The following MTCL1 variants were observed in gnomAD, a reference collection of about 807,000 sequenced individuals.
MTCL1 encodes microtubule cross-linking factor 1.
MTCL1 carries 79 observed loss-of-function variants against 141.4 expected under a neutral mutation model. That is an observed-to-expected ratio of 0.56 (90% CI 0.47 to 0.67). The LOEUF (loss-of-function observed/expected upper bound fraction) is 0.67, where lower values mean the gene tolerates loss of function less well. Ranked by LOEUF, MTCL1 falls within the 30% of genes least tolerant of loss-of-function variation. The probability of loss-of-function intolerance (pLI) is 0.00; values close to 1 mark genes in which losing one functional copy is unlikely to be tolerated. For missense variants in MTCL1, 2,177 were observed against 2,113.9 expected, an observed-to-expected ratio of 1.03 and a Z score of -0.59; for synonymous variants, 914 against 875.8, an observed-to-expected ratio of 1.04 and a Z score of -0.77.
chr18:8,758,332 C>T (rs1486943813), intron 4 of MTCL1, among the ~76,000 whole-genome samples: 1 of 152,146 alleles, frequency 6.6e-6, no homozygotes, highest in Non-Finnish European at 1.5e-5. Context: ...CACACCCACT[C>T]TTCTAATCCC....
In MTCL1 at chr18:8,725,781, TTTTTTTTTC is replaced by T. The variant is rs1208360149; in HGVS notation, c.357+5294_357+5302del. On this transcript the variant is annotated intron_variant, in intron 4 of 16. Coordinates refer to ENST00000359865, the Ensembl canonical transcript of MTCL1. ...ATGTATTTTGGTGCCATTTTCTTTT[TTTTTTTTTC>T]TTTTTTTTTTTTTTTTTGAGATGGA... 2.7e-3 allele frequency among the ~76,000 whole-genome samples: 107 copies of T among 38,990 alleles called. 4 individuals are homozygous for T. The highest frequency in any genetic ancestry group is 0.015 in the African/African-American group (101 of 6,582). The allele number at this position is 38,990 out of a possible 152,430, so 25.6% of individuals were successfully genotyped here.
chr18:8,750,196 GCCACCAC>G (rs1410490329), intron 4 of MTCL1, among the ~76,000 whole-genome samples: 1 of 151,878 alleles, frequency 6.6e-6, no homozygotes, highest in Non-Finnish European at 1.5e-5. Context: ...ACAGGCTCAT[GCCACCAC>G]ACTGGCTAAT....
At chr18:8,778,371 T>C (rs1018701740) in intron 5 of MTCL1, among the ~76,000 whole-genome samples, 1 of 152,258 alleles carries the variant, frequency 6.6e-6, no homozygotes, top group African/African-American at 2.4e-5. Flanking sequence ...ATGCACAGTA[T>C]GTATTCTTCA....
chr18:8,750,516 G>A lies in MTCL1; in HGVS notation c.358-27317G>A, dbSNP rs561806375. ...GGCAGCTCGGGCCAGTGCATTCTGCGCTTGTCTCCTGGCTGGCTGGAGGTG... is the reference window on the plus strand; with the variant it reads ...GGCAGCTCGGGCCAGTGCATTCTGCACTTGTCTCCTGGCTGGCTGGAGGTG... On this transcript the variant is annotated intron_variant, in intron 4 of 16. Transcript: ENST00000359865. 5.3e-5 allele frequency among the ~76,000 whole-genome samples: 8 copies of A among 152,258 alleles called. No individual in the cohort carries two copies. The East Asian group carries it at 7.7e-4, about 15-fold the overall frequency.
chr18:8,786,284 G>T lies in MTCL1; in HGVS notation c.1887+193G>T, dbSNP rs1308283770. The T allele has an allele frequency of 9.7e-6, 7 of 724,530 alleles. No homozygotes were observed. In the East Asian group the frequency reaches 1.9e-4, roughly 20 times the overall value. 44.9% of individuals were successfully genotyped at this position (724,530 alleles called of 1,614,324 possible). The stretch of plus-strand genomic sequence containing the variant: ...AGGCAGGTGTGCGCAGGTGCCTGCG[G>T]TGAACTGCTGTGCTCGTCAGACAGA... On this transcript the variant is annotated intron_variant, in intron 7 of 16. Transcript: ENST00000359865.
intron 12 of MTCL1, among the ~76,000 whole-genome samples, chr18:8,818,285 A>C (rs138727569): frequency 2.2e-3 from 268 of 120,506 alleles, no homozygotes; most frequent in South Asian, 0.016. Context: ...GTGCTTGCCC[A>C]CTACCGCTTC....
chr18:8,803,246 T>C (rs1284577434), intron 10 of MTCL1, among the ~76,000 whole-genome samples: 4 of 152,020 alleles, frequency 2.6e-5, no homozygotes, highest in African/African-American at 9.7e-5. Context: ...GTTTGTTGGC[T>C]TTGGAACGCG....
chr18:8,765,706 T>C (rs1210027076), intron 4 of MTCL1, among the ~76,000 whole-genome samples: 3 of 152,168 alleles, frequency 2.0e-5, no homozygotes, highest in East Asian at 1.9e-4. Context: ...AGTGATTCTG[T>C]TGAATAATAA....
At chr18:8,794,158 T>A (rs2143821233) in intron 8 of MTCL1, among the ~76,000 whole-genome samples, 1 of 152,342 alleles carries the variant, frequency 6.6e-6, no homozygotes, top group Admixed American at 6.5e-5. Flanking sequence ...AAAGATAGAT[T>A]CCTAAGTAAT....
exon 17 of MTCL1, chr18:8,832,152 C>T (rs996251674): frequency 4.2e-6 from 1 of 240,828 alleles, no homozygotes; most frequent in African/African-American, 2.3e-5. Flanking sequence ...AACACCCTCG[C>T]TGTCAATACC....
Position 8,727,705 on chromosome 18 carries a change from TG to T in MTCL1, c.357+7210del, listed in dbSNP as rs571731796. 1.5e-3 allele frequency among the ~76,000 whole-genome samples: 230 copies of T among 152,382 alleles called. 1 individual carries two copies. Among genetic ancestry groups the T allele is most frequent in the African/African-American group, 5.3e-3 (219 of 41,596 alleles). Reference sequence around the variant, plus strand: ...TTCAGTGTATTTCTTCTGAACAGAATGTAGCTACATTTTTTAAAAATGGGAT... The same window carrying T: ...TTCAGTGTATTTCTTCTGAACAGAATTAGCTACATTTTTTAAAAATGGGAT... On this transcript the variant is annotated intron_variant, in intron 4 of 16. Coordinates refer to ENST00000359865, the Ensembl canonical transcript of MTCL1.
At chr18:8,761,563 G>C (rs1001276594) in intron 4 of MTCL1, among the ~76,000 whole-genome samples, 1 of 152,062 alleles carries the variant, frequency 6.6e-6, no homozygotes, top group African/African-American at 2.4e-5. Flanking sequence ...TCTATTCTGG[G>C]TATCTCATAT....
chr18:8,777,891 A>T (rs2096517556), exon 5 of MTCL1: 1 of 1,612,882 alleles, frequency 6.2e-7, no homozygotes. Context: ...ACCTTTAACC[A>T]GGTAAGCAGA....
At chr18:8,784,899 C>CT (rs2096546026) in intron 6 of MTCL1, 56 bp downstream of exon 5, 4 of 1,443,488 alleles carry the variant, frequency 2.8e-6, no homozygotes, top group Non-Finnish European at 3.7e-6. Flanking sequence ...CTCCTTCTCG[C>CT]TGGCATTGCT....
chr18:8,776,254 C>A (rs1013301100), intron 4 of MTCL1, among the ~76,000 whole-genome samples: 1 of 152,226 alleles, frequency 6.6e-6, no homozygotes, highest in Admixed American at 6.5e-5. Context: ...CGGCAGAGCT[C>A]TGCTTCCCCA....
chr18:8,734,000 C>T (rs1367321973), intron 4 of MTCL1, among the ~76,000 whole-genome samples: 2 of 152,114 alleles, frequency 1.3e-5, no homozygotes, highest in African/African-American at 4.8e-5. Context: ...CACAGGGTCA[C>T]CTAAGTAATA....
chr18:8,792,615 G>A (rs1383543454), intron 7 of MTCL1, among the ~76,000 whole-genome samples: 1 of 152,202 alleles, frequency 6.6e-6, no homozygotes, highest in Admixed American at 6.5e-5. Context: ...CGTGTAATAG[G>A]TGGTCATGCT....
chr18:8,720,977 A>C (rs527439434), intron 4 of MTCL1, among the ~76,000 whole-genome samples: 3 of 150,824 alleles, frequency 2.0e-5, no homozygotes, highest in Non-Finnish European at 4.4e-5. Flanking sequence ...AAAGCTGTGT[A>C]AACAGACAAT....
chr18:8,705,819 C>A lies in MTCL1; in HGVS notation c.159C>A (p.His53Gln). The A allele has an allele frequency of 8.5e-7, 1 of 1,183,048 alleles. No individual in the cohort carries two copies. The allele number at this position is 1,183,048 out of a possible 1,614,324, so 73.3% of individuals were successfully genotyped here. ...CCAGACCCTTCCTCAAGGACCTGCA[C>A]GCCCGGCCCGCCGCGCCCGGCCCGG... The change falls in exon 1 of 14, where the codon CAC (histidine) becomes CAA (glutamine). Residue 53 changes from histidine (H) to glutamine (Q), a missense_variant. His to Gln is a conservative substitution (Grantham distance 24). Transcript: ENST00000306329. The surrounding 1 kb of genome is among the most constrained non-coding windows in gnomAD (Gnocchi z 5.2).
Sources: allele counts gnomAD v4.1 joint callset (sites outside exome capture counted in the v4.1 genomes callset), GRCh38; gene constraint gnomAD v4.1.1; non-coding constraint Gnocchi (gnomAD v3.1); transcripts MANE v1.5; gene names NCBI Gene and HGNC (gene_info 2026-07-23, HGNC 2026-07-21).